Variants in KRT7 observed in about 807,000 individuals in gnomAD.
The protein encoded by KRT7 is keratin 7.
KRT7 carries 50 observed loss-of-function variants against 42.8 expected under a neutral mutation model. The observed-to-expected ratio is 1.17, with a 90% confidence interval of 0.93 to 1.48. KRT7 has a LOEUF of 1.48. KRT7 is among the 40% of genes most tolerant of loss of function. The pLI, the probability that KRT7 is intolerant of heterozygous loss-of-function variation, is 0.00. For synonymous variants in KRT7, 268 were observed against 266.3 expected, an observed-to-expected ratio of 1.01 and a Z score of -0.06; for missense variants, 588 against 637.6, an observed-to-expected ratio of 0.92 and a Z score of 0.84.
At chr12:52,255,520 C>A (rs1263343373), downstream of KRT7, 6 of 434,652 alleles carry the variant, frequency 1.4e-5, no homozygotes, top group Admixed American at 7.7e-5. Context: ...TCACAAGAAT[C>A]AAAAAAGTGT....
chr12:52,233,344 C>G lies in KRT7; in HGVS notation c.48C>G (p.Ala16=). The change falls in exon 1 of 9, where the codon GCC becomes GCG. Residue 16 remains alanine, a synonymous_variant. Coordinates refer to ENST00000331817, the MANE Select transcript of KRT7 (RefSeq NM_005556.4). ...CGGTATTCACCTCGCGCTCAGCCGC[C>G]TTCTCGGGCCGCGGCGCCCAGGTGC... ...SSPVFTSRSA[A]FSGRGAQVRL... 1 of 1,572,098 alleles carries G rather than the reference C, an allele frequency of 6.4e-7. No homozygotes were observed. The highest frequency in any genetic ancestry group is 1.7e-4 in the Middle Eastern group (1 of 5,930).
chr12:52,246,910 C>T (rs985300282), intron 7 of KRT7, among the ~76,000 whole-genome samples: 1 of 152,076 alleles, frequency 6.6e-6, no homozygotes, highest in Non-Finnish European at 1.5e-5. Context: ...GAAAAGGGGA[C>T]TGAAGCTCAG....
intron 6 of KRT7, chr12:52,243,449 C>T (rs1187433257): frequency 1.0e-5 from 3 of 295,272 alleles, no homozygotes; most frequent in South Asian, 7.5e-5. Flanking sequence ...GGCTGCAGGG[C>T]GCTGTCCCTG....
At chr12:52,240,150 A>G (rs1432223466) in intron 4 of KRT7, among the ~76,000 whole-genome samples, 1 of 136,928 alleles carries the variant, frequency 7.3e-6, no homozygotes, top group African/African-American at 2.8e-5. Context: ...TTTATGTGTA[A>G]ACACACATGT....
chr12:52,253,758 C>G, downstream of KRT7: 1 of 948,008 alleles, frequency 1.1e-6, no homozygotes, highest in South Asian at 1.2e-5. Flanking sequence ...CTGGAGAACG[C>G]GGATCTCCTG....
downstream of KRT7, chr12:52,251,879 G>A (rs1480244365): frequency 2.5e-6 from 1 of 403,496 alleles, no homozygotes; most frequent in Non-Finnish European, 4.8e-6. Context: ...GGCTGTGGCT[G>A]CTTTACATGA....
chr12:52,243,328 A>G (rs1185726465), intron 6 of KRT7, 191 bp downstream of exon 6: 11 of 642,310 alleles, frequency 1.7e-5, no homozygotes, highest in Non-Finnish European at 2.8e-5. Flanking sequence ...TGATGGGAGA[A>G]AGGTCCTGGA....
At chr12:52,244,128 T>C (rs1481043612) in intron 6 of KRT7, among the ~76,000 whole-genome samples, 1 of 152,172 alleles carries the variant, frequency 6.6e-6, no homozygotes, top group Non-Finnish European at 1.5e-5. Context: ...GAAAGCTGAT[T>C]TCCAGATGAG....
chr12:52,244,886 C>T (rs557318473), intron 6 of KRT7, among the ~76,000 whole-genome samples: 29 of 152,204 alleles, frequency 1.9e-4, no homozygotes, highest in South Asian at 6.2e-4. Context: ...TCCTATTCTG[C>T]GCCTGCTCTC....
At chr12:52,254,283 G>A (rs185402164), downstream of KRT7, 269 of 967,920 alleles carry the variant, frequency 2.8e-4, no homozygotes, top group South Asian at 1.9e-3. Flanking sequence ...TCATATAGCC[G>A]CCTCAGGAAG....
downstream of KRT7, among the ~76,000 whole-genome samples, chr12:52,251,471 G>A (rs1185275991): frequency 6.6e-6 from 1 of 152,244 alleles, no homozygotes; most frequent in African/African-American, 2.4e-5. Flanking sequence ...GTCCTGGGCT[G>A]TATGCAGCCT....
At position 52,243,150 on chromosome 12, in the gene KRT7, C is replaced by T. The variant is rs1244847507; in HGVS notation, c.984+13C>T. ...CATCAAGAACCAGGTGGGACAAGTC[C>T]TCCTGGCTTCCCCTGCTACTTGGGG... On this transcript the variant is annotated intron_variant, in intron 6 of 8. Transcript: ENST00000331817. 2 of 1,605,274 alleles carry T rather than the reference C, an allele frequency of 1.2e-6. No individual in the cohort carries two copies. The highest frequency in any genetic ancestry group is 1.7e-6 in the Non-Finnish European group (2 of 1,175,518).
chr12:52,248,086 C>T (rs1218499671), intron 7 of KRT7, 91 bp from the exon 8 acceptor site: 1 of 1,239,288 alleles, frequency 8.1e-7, no homozygotes, highest in African/African-American at 1.5e-5. Context: ...AATCAATGAT[C>T]CTGCTTGGGG....
intron 2 of KRT7, among the ~76,000 whole-genome samples, chr12:52,236,620 A>G (rs1371605521): frequency 2.0e-5 from 3 of 152,162 alleles, no homozygotes; most frequent in East Asian, 3.9e-4. Context: ...CTTTGAGGGT[A>G]TGGGCACCTC....
At chr12:52,243,430 C>T in intron 6 of KRT7, 1 of 335,034 alleles carries the variant, frequency 3.0e-6, no homozygotes, top group Non-Finnish European at 5.4e-6. Flanking sequence ...TCTGCTTGCA[C>T]CTGGTTCTGG....
chr12:52,240,459 G>A (rs768554859), intron 4 of KRT7, among the ~76,000 whole-genome samples: 37 of 151,820 alleles, frequency 2.4e-4, no homozygotes, highest in African/African-American at 1.9e-4. Context: ...GTGAAACCCC[G>A]TGTCTACTAA....
chr12:52,241,370 C>A (rs1942086095), intron 4 of KRT7, 102 bp from the exon 5 acceptor site: 2 of 1,083,484 alleles, frequency 1.8e-6, no homozygotes, highest in Non-Finnish European at 2.7e-6. Flanking sequence ...AGCCCACTCC[C>A]AGCTGTTCTC....
chr12:52,250,599 C>T (rs1942250083), downstream of KRT7: 13 of 1,207,576 alleles, frequency 1.1e-5, no homozygotes, highest in South Asian at 1.7e-4. Context: ...GCCCGACACG[C>T]ACAGGTCCCC....
At chr12:52,235,729 C>T (rs1942004030) in intron 2 of KRT7, among the ~76,000 whole-genome samples, 1 of 152,142 alleles carries the variant, frequency 6.6e-6, no homozygotes, top group African/African-American at 2.4e-5. Context: ...ACAGATTATT[C>T]TAGAGCAACT....
Sources: gnomAD v4.1 joint callset for allele counts (sites outside exome capture counted in the v4.1 genomes callset) on GRCh38, gnomAD v4.1.1 for gene constraint, MANE v1.5 for transcripts, NCBI Gene and HGNC (gene_info 2026-07-23, HGNC 2026-07-21) for gene names.